The following GLT8D2 variants were observed in gnomAD, a reference collection of about 807,000 sequenced individuals.
GLT8D2 encodes glycosyltransferase 8 domain containing 2.
In GLT8D2, 45 loss-of-function variants were observed where a neutral mutation model predicts 44.5. The ratio of observed to expected loss-of-function variants is 1.01; its 90% CI spans 0.80 to 1.30. The LOEUF (loss-of-function observed/expected upper bound fraction) is 1.30. Among genes scored for constraint, GLT8D2 ranks in the 50% most tolerant of loss-of-function variants. The probability of loss-of-function intolerance (pLI) is 0.00; values close to 1 mark genes in which losing one functional copy is unlikely to be tolerated. For missense variants in GLT8D2, 400 were observed against 430.4 expected (o/e 0.93, Z 0.62); for synonymous variants, 156 against 157.2 (o/e 0.99, Z 0.06).
Position 104,015,089 on chromosome 12 carries a change from C to G in GLT8D2, c.36G>C (p.Leu12=), listed in dbSNP as rs367688786. Reference sequence around the variant, plus strand: ...CACAGAGGGTCACGATCAGAAGGAACAGCAGCACCTGATTAACTGAAATAG... The same window carrying G: ...CACAGAGGGTCACGATCAGAAGGAAGAGCAGCACCTGATTAACTGAAATAG... ...ALLRKINQVL[L]FLLIVTLCVI... The change falls in exon 4 of 11, where the codon CTG becomes CTC. Residue 12 remains leucine (L), a synonymous_variant. Transcript: ENST00000360814. 64 of 1,613,274 alleles carry G rather than the reference C, an allele frequency of 4.0e-5. No individual in the cohort carries two copies. The African/African-American group carries it at 7.5e-4, about 19-fold the overall frequency.
chr12:104,012,914 G>A (rs1876065717), intron 4 of GLT8D2: 6 of 633,286 alleles, frequency 9.5e-6, no homozygotes, highest in South Asian at 8.9e-5. Flanking sequence ...GACACAGCAA[G>A]AAGGCGGCCA....
intron 3 of GLT8D2, among the ~76,000 whole-genome samples, chr12:104,015,885 C>T (rs1025821451): frequency 1.3e-5 from 2 of 152,172 alleles, no homozygotes; most frequent in East Asian, 3.9e-4. Flanking sequence ...TGCCTGTAAT[C>T]CCAGCTATTT....
At chr12:104,048,969 T>C (rs1482471696) in intron 1 of GLT8D2, among the ~76,000 whole-genome samples, 1 of 152,212 alleles carries the variant, frequency 6.6e-6, no homozygotes, top group Non-Finnish European at 1.5e-5. Flanking sequence ...TTCAGTCCTG[T>C]AAGCCTGACC....
chr12:104,006,277 A>G (rs1356899508), intron 4 of GLT8D2, among the ~76,000 whole-genome samples: 1 of 152,096 alleles, frequency 6.6e-6, no homozygotes, highest in Admixed American at 6.6e-5. Context: ...ACCTGATGTA[A>G]ATGACGAGTT....
intron 1 of GLT8D2, among the ~76,000 whole-genome samples, chr12:104,040,036 A>G (rs1045051288): frequency 2.6e-5 from 4 of 152,216 alleles, no homozygotes; most frequent in African/African-American, 9.6e-5. Context: ...TGAGCAAACT[A>G]TCACAAGGAC....
intron 1 of GLT8D2, among the ~76,000 whole-genome samples, chr12:104,057,652 T>G (rs541897432): frequency 6.6e-6 from 1 of 152,350 alleles, no homozygotes; most frequent in South Asian, 2.1e-4. Context: ...TTTAATATTT[T>G]GACAAAAGTT....
At chr12:104,007,728 G>A (rs1361772365) in intron 4 of GLT8D2, among the ~76,000 whole-genome samples, 1 of 152,114 alleles carries the variant, frequency 6.6e-6, no homozygotes, top group South Asian at 2.1e-4. Context: ...GATATGGTAT[G>A]GCTCTGTGTC....
At position 103,996,748 on chromosome 12, in the gene GLT8D2, A is replaced by G; in HGVS notation, c.587T>C (p.Leu196Pro). 2 of 1,613,080 alleles carry G rather than the reference A, an allele frequency of 1.2e-6. No individual in the cohort carries two copies. Among genetic ancestry groups the G allele is most frequent in the South Asian group, 1.1e-5 (1 of 90,974 alleles). The change falls in exon 8 of 11, where the codon CTC (leucine) becomes CCC (proline). Residue 196 changes from leucine to proline, a missense_variant. By Grantham distance (98) the Leu-to-Pro change is moderately conservative (BLOSUM62 -3). Coordinates refer to ENST00000360814, the MANE Select transcript of GLT8D2 (RefSeq NM_001384711.1). Reference protein sequence around the residue: ...DLPSAQDINRLVGLQNTYMGY... With the variant: ...DLPSAQDINRPVGLQNTYMGY... ...GCATATGCCCACCTGAAGTCCCACGAGTCTGTTTATGTCCTGAGCAGAGGG... is the reference window on the plus strand; with the variant it reads ...GCATATGCCCACCTGAAGTCCCACGGGTCTGTTTATGTCCTGAGCAGAGGG...
chr12:104,034,047 T>C (rs1453181236), intron 1 of GLT8D2, among the ~76,000 whole-genome samples: 1 of 152,140 alleles, frequency 6.6e-6, no homozygotes, highest in Non-Finnish European at 1.5e-5. Flanking sequence ...AACAAAAAAC[T>C]CTTATTTGAG....
At chr12:104,002,780 CA>C (rs1369868403) in intron 5 of GLT8D2, among the ~76,000 whole-genome samples, 1 of 151,884 alleles carries the variant, frequency 6.6e-6, no homozygotes, top group Non-Finnish European at 1.5e-5. Flanking sequence ...TCGCTCTCCA[CA>C]AAAAAATTAG....
rs57109528 is a variant in GLT8D2, at chr12:104,007,233, G to GCTCTCTCTCTCTCTCTCTCTCT, written c.113-3949_113-3928dup. On this transcript the variant is annotated intron_variant, in intron 4 of 10. Transcript: ENST00000360814. ...AGTACTCATCTGATTTATACTTAAA[G>GCTCTCTCTCTCTCTCTCTCTCT]CTCTCTCTCTCTCTCTCTCTCTCTC... 9.9e-3 allele frequency among the ~76,000 whole-genome samples: 657 copies of GCTCTCTCTCTCTCTCTCTCTCT among 66,342 alleles called. 67 individuals are homozygous for GCTCTCTCTCTCTCTCTCTCTCT. The highest frequency in any genetic ancestry group is 0.018 in the East Asian group (28 of 1,560). 43.5% of individuals were successfully genotyped at this position (66,342 alleles called of 152,430 possible). A position where few individuals can be genotyped will look rare whatever the true frequency, so the allele number is the denominator to read the frequency against.
intron 1 of GLT8D2, among the ~76,000 whole-genome samples, chr12:104,024,048 C>G (rs1175560533): frequency 1.3e-5 from 2 of 152,068 alleles, no homozygotes; most frequent in Admixed American, 1.3e-4. Context: ...AGTGGTATTG[C>G]TGGGTCTTTT....
chr12:104,033,621 A>T (rs750489540), intron 1 of GLT8D2, among the ~76,000 whole-genome samples: 2 of 152,118 alleles, frequency 1.3e-5, no homozygotes, highest in Non-Finnish European at 2.9e-5. Flanking sequence ...GTATACTTGA[A>T]ATCTACTAAG....
At chr12:104,053,914 G>C (rs925185726), upstream of GLT8D2, among the ~76,000 whole-genome samples, 1 of 151,708 alleles carries the variant, frequency 6.6e-6, no homozygotes, top group African/African-American at 2.4e-5. Flanking sequence ...AATTGAAATT[G>C]AACTATAACA....
chr12:104,063,836 T>C (rs1393402534), intron 1 of GLT8D2: 2 of 152,298 alleles, frequency 1.3e-5, no homozygotes, highest in Non-Finnish European at 2.9e-5. Flanking sequence ...TTAATACACA[T>C]GAGGCACTTA....
rs749211823 is a variant in GLT8D2 at position 104,015,107 on chromosome 12, T to C, written c.20-2A>G. 27 of 1,609,354 alleles carry C rather than the reference T, an allele frequency of 1.7e-5. No individual in the cohort carries two copies. In the South Asian group the frequency reaches 2.7e-4, roughly 16 times the overall value. ...GAAGGAACAGCAGCACCTGATTAACTGAAATAGAAATGGAAACACATTAAC... is the reference window on the plus strand; with the variant it reads ...GAAGGAACAGCAGCACCTGATTAACCGAAATAGAAATGGAAACACATTAAC... On this transcript the variant is annotated splice_acceptor_variant, in intron 3 of 10. Coordinates refer to ENST00000360814, the MANE Select transcript of GLT8D2 (RefSeq NM_001384711.1). LOFTEE classifies it high-confidence loss of function.
chr12:104,050,852 T>A (rs1051477101), upstream of GLT8D2, among the ~76,000 whole-genome samples: 2 of 151,262 alleles, frequency 1.3e-5, no homozygotes, highest in African/African-American at 4.9e-5. Flanking sequence ...TCTCCCTCTG[T>A]CTCCCAGGCT....
In GLT8D2 at chr12:103,991,854, G is replaced by T. The variant is rs538730558; in HGVS notation, c.880+1538C>A. On this transcript the variant is annotated intron_variant, in intron 10 of 10. Transcript: ENST00000360814. ...AAAAAAAAAAAAAAAAAGATTATGG[G>T]ACATAACACCTTGCAGGGTTGTTGT... Among the ~76,000 whole-genome samples the T allele has an allele frequency of 2.7e-5, 4 of 149,990 alleles. No homozygotes were observed. In the East Asian group the frequency reaches 7.9e-4, roughly 29 times the overall value.
At chr12:104,028,853 G>A (rs1878888849) in intron 1 of GLT8D2, among the ~76,000 whole-genome samples, 1 of 151,996 alleles carries the variant, frequency 6.6e-6, no homozygotes, top group Non-Finnish European at 1.5e-5. Context: ...ATTCTATCAT[G>A]GATAACGTCA....
Sources: gnomAD v4.1 joint callset for allele counts (sites outside exome capture counted in the v4.1 genomes callset) on GRCh38, gnomAD v4.1.1 for gene constraint, MANE v1.5 for transcripts, NCBI Gene and HGNC (gene_info 2026-07-23, HGNC 2026-07-21) for gene names.